The following BMPR1B variants were observed in gnomAD, a reference collection of about 807,000 sequenced individuals.
The protein encoded by BMPR1B is bone morphogenetic protein receptor type 1B, also known as bone morphogenetic protein receptor type-1B.
In BMPR1B, 12 loss-of-function variants were observed where a neutral mutation model predicts 59.1. The ratio of observed to expected loss-of-function variants is 0.20; its 90% CI spans 0.13 to 0.33. BMPR1B has a LOEUF of 0.33. Ranked by LOEUF, BMPR1B falls within the 10% of genes least tolerant of loss-of-function variation. The pLI is 1.00. For synonymous variants in BMPR1B, 237 were observed against 207.3 expected (o/e 1.14, Z -1.23); for missense variants, 550 against 610.9 (o/e 0.90, Z 1.05).
chr4:94,778,615 A>G (rs144809647), intron 1 of BMPR1B, among the ~76,000 whole-genome samples: 1 of 152,246 alleles, frequency 6.6e-6, no homozygotes, highest in African/African-American at 2.4e-5. Flanking sequence ...TTGTTTTCCA[A>G]AGTAGTCCAC....
chr4:95,042,755 A>G (rs1054726877), intron 3 of BMPR1B, among the ~76,000 whole-genome samples: 1 of 151,984 alleles, frequency 6.6e-6, no homozygotes, highest in African/African-American at 2.4e-5. Flanking sequence ...AAATAACTAC[A>G]CTCGCCTTGC....
Position 94,794,628 on chromosome 4 carries a change from A to T in BMPR1B, c.-183+36560A>T, listed in dbSNP as rs565019122. 2.8e-4 allele frequency among the ~76,000 whole-genome samples: 42 copies of T among 149,122 alleles called. 1 individual carries two copies. In the East Asian group the frequency reaches 6.9e-3, roughly 24 times the overall value. On this transcript the variant is annotated intron_variant, in intron 1 of 12. Transcript: ENST00000515059. ...CTTGGGCAGTATGGCCACTTTCACG[A>T]TATTGATTCTTCCTACCCATGAGCA... is the stretch of plus-strand genomic sequence containing the variant.
chr4:94,905,729 G>C (rs75131841), intron 2 of BMPR1B, among the ~76,000 whole-genome samples: 2,272 of 151,978 alleles, frequency 0.015, 47 homozygotes, highest in African/African-American at 0.052. Flanking sequence ...CCTACCTCTG[G>C]CTTCTATGGC....
At chr4:94,994,266 C>T (rs1220608141) in intron 2 of BMPR1B, among the ~76,000 whole-genome samples, 1 of 152,136 alleles carries the variant, frequency 6.6e-6, no homozygotes, top group Non-Finnish European at 1.5e-5. Flanking sequence ...TTTTTAACTA[C>T]TTTCTGTCTT....
chr4:94,848,033 C>G (rs1725408689), intron 1 of BMPR1B, among the ~76,000 whole-genome samples: 1 of 152,014 alleles, frequency 6.6e-6, no homozygotes, highest in Admixed American at 6.6e-5. Context: ...ATTTCATGTA[C>G]TCCATAAATG....
intron 2 of BMPR1B, among the ~76,000 whole-genome samples, chr4:94,977,829 C>T (rs536674977): frequency 6.6e-6 from 1 of 152,246 alleles, no homozygotes; most frequent in South Asian, 2.1e-4. Flanking sequence ...TGCATTCCAG[C>T]CTGGGCAACA....
At chr4:95,003,910 C>T (rs1436227784) in intron 3 of BMPR1B, among the ~76,000 whole-genome samples, 1 of 138,482 alleles carries the variant, frequency 7.2e-6, no homozygotes, top group Non-Finnish European at 1.5e-5. Context: ...CAAGTTCAAG[C>T]GATTCTTCTG....
intron 2 of BMPR1B, among the ~76,000 whole-genome samples, chr4:94,915,846 A>G (rs1728463228): frequency 6.6e-6 from 1 of 152,176 alleles, no homozygotes; most frequent in African/African-American, 2.4e-5. Flanking sequence ...GGCTGGGCCT[A>G]GTGGGAGGTG....
chr4:94,922,301 A>G (rs1728719959), intron 2 of BMPR1B, among the ~76,000 whole-genome samples: 1 of 151,978 alleles, frequency 6.6e-6, no homozygotes, highest in Non-Finnish European at 1.5e-5. Flanking sequence ...TGTGTGTGTA[A>G]CATGTGGATA....
intron 2 of BMPR1B, among the ~76,000 whole-genome samples, chr4:94,879,237 C>A (rs1447861922): frequency 6.6e-6 from 1 of 152,172 alleles, no homozygotes; most frequent in Non-Finnish European, 1.5e-5. Flanking sequence ...TGCTCTTTAG[C>A]AGTACCTTAT....
intron 3 of BMPR1B, among the ~76,000 whole-genome samples, chr4:95,067,944 C>A (rs1220815686): frequency 6.6e-6 from 1 of 152,108 alleles, no homozygotes; most frequent in African/African-American, 2.4e-5. Context: ...GATGATAAGG[C>A]ATTTAGAGGC....
rs546462784 is a variant in BMPR1B at position 95,126,584 on chromosome 4, C to T, written c.585+1463C>T. Among the ~76,000 whole-genome samples, 242 of 152,198 alleles carry T rather than the reference C, an allele frequency of 1.6e-3. 1 individual carries two copies. The highest frequency in any genetic ancestry group is 0.016 in the Admixed American group (240 of 15,264). On this transcript the variant is annotated intron_variant, in intron 8 of 12. Transcript: ENST00000515059. ...GCCCAGATAGGTCAGCTAGCTAGTACGTGGAGAAGCCAGGATTCAAACCCA... is the reference window on the plus strand; with the variant it reads ...GCCCAGATAGGTCAGCTAGCTAGTATGTGGAGAAGCCAGGATTCAAACCCA...
Position 95,154,962 on chromosome 4 carries a change from CTT to C in BMPR1B, c.*301_*302del, listed in dbSNP as rs11436086. 2.2e-3 allele frequency: 618 copies of C among 280,158 alleles called. No homozygotes were observed. Among genetic ancestry groups the C allele is most frequent in the East Asian group, 3.2e-3 (41 of 12,990 alleles). 17.4% of individuals were successfully genotyped at this position (280,158 alleles called of 1,614,324 possible). ...AGAAAGCCCTGTATTTTGTGATTGC[CTT>C]TTTTTTTTTTTAAGATGCTTTCATT... On this transcript the variant is annotated 3_prime_UTR_variant, in exon 13 of 13. Coordinates refer to ENST00000515059, the MANE Select transcript of BMPR1B (RefSeq NM_001203.3).
At chr4:94,946,395 G>A (rs13110508) in intron 2 of BMPR1B, among the ~76,000 whole-genome samples, 37,497 of 152,054 alleles carry the variant, frequency 0.25, 4,659 homozygotes, top group South Asian at 0.36. Context: ...GCTTCTGTCA[G>A]TTTTACCAGT....
chr4:94,989,414 C>T (rs868539678), intron 2 of BMPR1B, among the ~76,000 whole-genome samples: 1 of 149,470 alleles, frequency 6.7e-6, no homozygotes, highest in Non-Finnish European at 1.5e-5. Context: ...CAAAAAAAAT[C>T]ATTCACTACT....
intron 10 of BMPR1B, among the ~76,000 whole-genome samples, chr4:95,138,217 G>C (rs1733952839): frequency 6.6e-6 from 1 of 152,170 alleles, no homozygotes; most frequent in Non-Finnish European, 1.5e-5. Context: ...TTTTCTTTAA[G>C]AATGTTGAAT....
intron 3 of BMPR1B, among the ~76,000 whole-genome samples, chr4:95,061,212 A>ACACACACAC (rs1560624940): frequency 4.7e-4 from 62 of 131,770 alleles, no homozygotes; most frequent in Non-Finnish European, 7.9e-4. Context: ...CACACACACC[A>ACACACACAC]CACACCCCTC....
intron 1 of BMPR1B, among the ~76,000 whole-genome samples, chr4:94,870,274 T>C (rs991514737): frequency 2.0e-5 from 3 of 151,980 alleles, no homozygotes; most frequent in African/African-American, 7.3e-5. Flanking sequence ...TTTTTGGCTC[T>C]CAAGGACCTT....
chr4:95,071,921 G>A (rs541752282), intron 3 of BMPR1B, among the ~76,000 whole-genome samples: 101 of 151,998 alleles, frequency 6.6e-4, no homozygotes, highest in Non-Finnish European at 4.0e-4. Flanking sequence ...GTGATAAGGC[G>A]TGTGTGTCTG....
Sources: gnomAD v4.1 joint callset for allele counts (sites outside exome capture counted in the v4.1 genomes callset) on GRCh38, gnomAD v4.1.1 for gene constraint, MANE v1.5 for transcripts, NCBI Gene and HGNC (gene_info 2026-07-23, HGNC 2026-07-21) for gene names.